Variants in DYSF observed in about 807,000 individuals in gnomAD.
The protein encoded by DYSF is dysferlin, also known as dystrophy-associated fer-1-like 1.
A neutral mutation model predicts 274.9 loss-of-function variants in DYSF; 212 were observed. The ratio of observed to expected loss-of-function variants is 0.77; its 90% CI spans 0.69 to 0.86. The LOEUF is 0.86. Among genes scored for constraint, DYSF ranks in the 40% least tolerant of loss-of-function variants. The pLI, the probability that DYSF is intolerant of heterozygous loss-of-function variation, is 0.00. For synonymous variants in DYSF, 1,091 were observed against 1,078.7 expected (o/e 1.01, Z -0.22); for missense variants, 2,666 against 2,783.2 (o/e 0.96, Z 0.95).
rs781763520 is a variant in DYSF, at chr2:71,553,908, C to T, written c.2086C>T (p.Leu696=). The change falls in exon 21 of 56, where the codon CTG becomes TTG. Residue 696 remains leucine (L), a synonymous_variant. Coordinates refer to ENST00000410020, the MANE Select transcript of DYSF (RefSeq NM_001130987.2). ...CCATAGAATCGAGACTCAGAACCAGCTGCTTGGGATTGCTGACCGGCTGGT... is the reference window on the plus strand; with the variant it reads ...CCATAGAATCGAGACTCAGAACCAGTTGCTTGGGATTGCTGACCGGCTGGT... ...ISHRIETQNQ[L]LGIADRLEAG... 7.4e-6 allele frequency: 12 copies of T among 1,614,070 alleles called. No homozygotes were observed. In the East Asian group the frequency reaches 2.2e-4, roughly 30 times the overall value.
intron 32 of DYSF, among the ~76,000 whole-genome samples, chr2:71,592,299 C>T (rs1194154605): frequency 3.9e-5 from 6 of 152,190 alleles, no homozygotes; most frequent in Non-Finnish European, 7.3e-5. Context: ...CACTGGTCTG[C>T]GGAGACGTCA....
At chr2:71,567,488 C>T (rs971013345) in intron 24 of DYSF, among the ~76,000 whole-genome samples, 2 of 152,142 alleles carry the variant, frequency 1.3e-5, no homozygotes, top group African/African-American at 4.8e-5. Context: ...ACTTTATCTC[C>T]GCAGTCATAC....
intron 4 of DYSF, 53 bp downstream of exon 4, chr2:71,503,372 C>T: frequency 2.5e-6 from 4 of 1,587,532 alleles, no homozygotes; most frequent in Non-Finnish European, 3.5e-6. Context: ...TGCCAGGTGG[C>T]TTCCTCTTTG....
intron 12 of DYSF, among the ~76,000 whole-genome samples, chr2:71,523,062 G>A (rs2087474132): frequency 6.6e-6 from 1 of 152,202 alleles, no homozygotes; most frequent in Admixed American, 6.5e-5. Context: ...GAGGACAGAG[G>A]TTTATTTCTC....
intron 52 of DYSF, among the ~76,000 whole-genome samples, chr2:71,678,092 T>C (rs981549013): frequency 6.6e-6 from 1 of 152,208 alleles, no homozygotes; most frequent in African/African-American, 2.4e-5. Context: ...ATCTTTGGGA[T>C]AGGACCCAAA....
At chr2:71,621,833 G>GA (rs1299936725) in intron 41 of DYSF, among the ~76,000 whole-genome samples, 2 of 151,856 alleles carry the variant, frequency 1.3e-5, no homozygotes. Context: ...CTAATTTTTT[G>GA]TATTTTTAGT....
chr2:71,680,565 A>C (rs895169842), intron 53 of DYSF, among the ~76,000 whole-genome samples: 3 of 152,252 alleles, frequency 2.0e-5, no homozygotes, highest in Non-Finnish European at 4.4e-5. Context: ...AACCTAAATG[A>C]ACCAAAATAA....
intron 55 of DYSF, among the ~76,000 whole-genome samples, chr2:71,683,029 G>A (rs541694931): frequency 6.6e-6 from 1 of 152,340 alleles, no homozygotes; most frequent in South Asian, 2.1e-4. Flanking sequence ...GGGAGGTGTG[G>A]AACTGGGTCT....
At chr2:71,638,817 A>G (rs764952948) in intron 41 of DYSF, among the ~76,000 whole-genome samples, 1 of 152,214 alleles carries the variant, frequency 6.6e-6, no homozygotes, top group Non-Finnish European at 1.5e-5. Flanking sequence ...TTGTGTAGAC[A>G]TAAGTTTTCA....
intron 38 of DYSF, among the ~76,000 whole-genome samples, chr2:71,612,003 C>T (rs921458249): frequency 2.0e-5 from 3 of 152,200 alleles, no homozygotes; most frequent in African/African-American, 7.2e-5. Flanking sequence ...CCAGCCTGGG[C>T]CCCCTCAAAG....
intron 4 of DYSF, among the ~76,000 whole-genome samples, chr2:71,509,899 C>T (rs2085902281): frequency 6.6e-6 from 1 of 152,150 alleles, no homozygotes. Context: ...CCTCAGCCTC[C>T]TGAGTAGCAG....
At chr2:71,526,411 T>TGGGGGGGGGGGGG (rs2152748885) in intron 13 of DYSF, 65 bp downstream of exon 13, 12 of 306,888 alleles carry the variant, frequency 3.9e-5, no homozygotes, top group East Asian at 3.2e-4. Flanking sequence ...CTGGTGGGGG[T>TGGGGGGGGGGGGG]GGGCGATGGC....
intron 26 of DYSF, among the ~76,000 whole-genome samples, chr2:71,569,302 C>T (rs759681953): frequency 1.1e-4 from 17 of 152,236 alleles, no homozygotes; most frequent in Non-Finnish European, 1.9e-4. Flanking sequence ...GCTGCTCACA[C>T]ATCCCCTGAG....
chr2:71,665,882 C>T (rs1371001473), intron 47 of DYSF, among the ~76,000 whole-genome samples: 1 of 152,050 alleles, frequency 6.6e-6, no homozygotes, highest in Non-Finnish European at 1.5e-5. Context: ...CTGAGATGCC[C>T]GCAGGCCTGC....
At position 71,665,301 on chromosome 2, in the gene DYSF, A is replaced by T. The variant is rs768208859; in HGVS notation, c.5314A>T (p.Ile1772Leu). The T allele has an allele frequency of 6.2e-7, 1 of 1,614,120 alleles. No homozygotes were observed. Among genetic ancestry groups the T allele is most frequent in the South Asian group, 1.1e-5 (1 of 91,086 alleles). Residue 1772 changes from isoleucine to leucine, a missense_variant, in exon 47 of 56, where the codon ATA becomes TTA. Physicochemically the swap from Ile to Leu is conservative, Grantham distance 5. Around this residue, in one of 3 missense-constraint regions of DYSF, gnomAD observed 1,460 missense variants for 1,502.1 expected, o/e 0.97. Coordinates refer to ENST00000410020, the MANE Select transcript of DYSF (RefSeq NM_001130987.2). ...FQDKEYSIEE[I>L]EAGRIPNPHL... is the part of the protein sequence containing the mutation. Reference sequence around the variant, plus strand: ...GGATAAAGAATATTCCATTGAAGAGATAGGTGAGCTGCCACATGACCCCAA... The same window carrying T: ...GGATAAAGAATATTCCATTGAAGAGTTAGGTGAGCTGCCACATGACCCCAA...
intron 41 of DYSF, among the ~76,000 whole-genome samples, chr2:71,631,027 C>A (rs1182197451): frequency 6.6e-6 from 1 of 152,244 alleles, no homozygotes; most frequent in African/African-American, 2.4e-5. Context: ...TCTCTAAGGG[C>A]AGCCCTATTT....
In DYSF at chr2:71,682,561, T is replaced by C. The variant is rs545134825; in HGVS notation, c.6205T>C (p.Ser2069Pro). The C allele has an allele frequency of 6.2e-7, 1 of 1,614,052 alleles. No homozygotes were observed. The part of the protein sequence containing the change: ...RPDTSFLWFT[S>P]PYKTMKFILW... Reference sequence around the variant, plus strand: ...CGACACCTCCTTCCTGTGGTTTACCTCCCCATACAAGACCATGAAGTTCAT... The same window carrying C: ...CGACACCTCCTTCCTGTGGTTTACCCCCCCATACAAGACCATGAAGTTCAT... Residue 2069 changes from serine (S) to proline (P), a missense_variant, in exon 55 of 56, where the codon TCC (serine) becomes CCC (proline). Around this residue, in one of 3 missense-constraint regions of DYSF, gnomAD observed 1,460 missense variants for 1,502.1 expected, o/e 0.97. Transcript: ENST00000410020.
In DYSF at chr2:71,613,338, T is replaced by C; in HGVS notation, c.4392T>C (p.Asp1464=). The change falls in exon 40 of 56, where the codon GAT becomes GAC. Residue 1464 remains aspartate (D), a synonymous_variant. Transcript: ENST00000410020. ...ESPSPQGGPD[D]VSLLSPGEDV... ...GGATGGCTCCCTCCCCTGCAGACGA[T>C]GTGAGCCTACTCAGTCCTGGGGAAG... The C allele has an allele frequency of 6.2e-7, 1 of 1,612,878 alleles. No homozygotes were observed. The highest frequency in any genetic ancestry group is 8.5e-7 in the Non-Finnish European group (1 of 1,179,598).
intron 1 of DYSF, among the ~76,000 whole-genome samples, chr2:71,471,892 G>A (rs1310149017): frequency 1.3e-5 from 2 of 148,228 alleles, no homozygotes; most frequent in Non-Finnish European, 3.0e-5. Flanking sequence ...CTTGAACCCA[G>A]GAGGTGGAGG....
Sources: allele counts gnomAD v4.1 joint callset (sites outside exome capture counted in the v4.1 genomes callset), GRCh38; gene constraint gnomAD v4.1.1; regional missense constraint gnomAD v4.1.1; transcripts MANE v1.5; gene names NCBI Gene and HGNC (gene_info 2026-07-23, HGNC 2026-07-21).